The following CCDC134 variants were observed in gnomAD, a reference collection of about 807,000 sequenced individuals.
The protein encoded by CCDC134 is coiled-coil domain containing 134, also known as coiled-coil domain-containing protein 134.
A neutral mutation model predicts 25.6 loss-of-function variants in CCDC134; 27 were observed. That is an observed-to-expected ratio of 1.05 (90% CI 0.78 to 1.45). CCDC134 has a LOEUF of 1.45. CCDC134 is among the 40% of genes most tolerant of loss of function. The pLI, the probability that CCDC134 is intolerant of heterozygous loss-of-function variation, is 0.00. For missense variants in CCDC134, 261 were observed against 286.7 expected (o/e 0.91, Z 0.65); for synonymous variants, 110 against 115.0 (o/e 0.96, Z 0.28).
In CCDC134 at chr22:41,825,884, G is replaced by A; in HGVS notation, c.*61G>A. On this transcript the variant is annotated 3_prime_UTR_variant, in exon 7 of 7. Coordinates refer to ENST00000255784, the MANE Select transcript of CCDC134 (RefSeq NM_024821.5). This position sits in a 1 kb window ranked among gnomAD's most constrained non-coding sequence, Gnocchi z 4.4. ...AGGCAGGTCGGGAGGAAGAAGAGGT[G>A]GAGGTGTGGTTGTGGTGGAGAGCAC... is the stretch of plus-strand genomic sequence containing the variant. The A allele has an allele frequency of 1.2e-6, 2 of 1,600,258 alleles. No homozygotes were observed. The highest frequency in any genetic ancestry group is 1.7e-5 in the Admixed American group (1 of 59,034).
rs1046722354 is a variant in CCDC134, at chr22:41,831,607, C to T, written c.*5784C>T. ...GCCTCGAGGCCTTTGTCCATGTCATCATTTCCCCTTTGGCTGTAACAGCTG... is the reference window on the plus strand; with the variant it reads ...GCCTCGAGGCCTTTGTCCATGTCATTATTTCCCCTTTGGCTGTAACAGCTG... On this transcript the variant is annotated 3_prime_UTR_variant, in exon 7 of 7. Transcript: ENST00000255784. 1 of 152,268 alleles carries T rather than the reference C, an allele frequency of 6.6e-6. No homozygotes were observed. Among genetic ancestry groups the T allele is most frequent in the East Asian group, 1.9e-4 (1 of 5,202 alleles). 9.4% of individuals were successfully genotyped at this position (152,268 alleles called of 1,614,324 possible).
Position 41,830,854 on chromosome 22 carries a change from C to T in CCDC134, c.*5031C>T, listed in dbSNP as rs1263604407. Among the ~76,000 whole-genome samples the T allele has an allele frequency of 1.3e-5, 2 of 151,550 alleles. No individual in the cohort carries two copies. The highest frequency in any genetic ancestry group is 4.9e-5 in the African/African-American group (2 of 41,184). On this transcript the variant is annotated 3_prime_UTR_variant, in exon 7 of 7. Coordinates refer to ENST00000255784, the MANE Select transcript of CCDC134 (RefSeq NM_024821.5). The stretch of plus-strand genomic sequence containing the variant: ...CCATCGTTTTTAACCTTCAGGTGAG[C>T]ACACAGATCCTTATTTTTTCTTTTC...
At chr22:41,818,081 G>A (rs991841866) in intron 6 of CCDC134, among the ~76,000 whole-genome samples, 9 of 152,272 alleles carry the variant, frequency 5.9e-5, no homozygotes, top group African/African-American at 2.2e-4. Flanking sequence ...TCATGGCCAC[G>A]ATTTACTACA....
At chr22:41,814,000 T>G (rs1215501297) in intron 6 of CCDC134, among the ~76,000 whole-genome samples, 178 bp downstream of exon 6, 1 of 152,204 alleles carries the variant, frequency 6.6e-6, no homozygotes, top group Non-Finnish European at 1.5e-5. Flanking sequence ...TGCTCCCCTC[T>G]TAGCCTCAGG....
At position 41,825,936 on chromosome 22, in the gene CCDC134, C is replaced by G. The variant is rs983631995; in HGVS notation, c.*113C>G. 8.4e-6 allele frequency: 12 copies of G among 1,434,696 alleles called. No homozygotes were observed. The highest frequency in any genetic ancestry group is 1.4e-5 in the African/African-American group (1 of 70,170). 88.9% of individuals were successfully genotyped at this position (1,434,696 alleles called of 1,614,324 possible). A position where few individuals can be genotyped will look rare whatever the true frequency, so the allele number is the denominator to read the frequency against. On this transcript the variant is annotated 3_prime_UTR_variant, in exon 7 of 7. Transcript: ENST00000255784. The surrounding 1 kb of genome is among the most constrained non-coding windows in gnomAD (Gnocchi z 4.4). ...AGCTAGCCCCTTCCAGAAGGGGAGG[C>G]CACATTTGCCCGGCCCCCTGGAGCT... is the stretch of plus-strand genomic sequence containing the variant.
At chr22:41,801,668 C>A (rs2076544208) in intron 1 of CCDC134, among the ~76,000 whole-genome samples, 1 of 152,074 alleles carries the variant, frequency 6.6e-6, no homozygotes, top group African/African-American at 2.4e-5. Flanking sequence ...GTTTATTGAT[C>A]AACTCTTATC....
rs1004730864 is a variant in CCDC134 at position 41,828,337 on chromosome 22, T to C, written c.*2514T>C. 6.6e-6 allele frequency among the ~76,000 whole-genome samples: 1 copy of C among 152,228 alleles called. No individual in the cohort carries two copies. The highest frequency in any genetic ancestry group is 2.4e-5 in the African/African-American group (1 of 41,452). Reference sequence around the variant, plus strand: ...GAATTTAAGTGACTTCTCAGTGATGTGTGCCCTTCTCTGACGGTTCCTTGT... The same window carrying C: ...GAATTTAAGTGACTTCTCAGTGATGCGTGCCCTTCTCTGACGGTTCCTTGT... On this transcript the variant is annotated 3_prime_UTR_variant, in exon 7 of 7. Coordinates refer to ENST00000255784, the MANE Select transcript of CCDC134 (RefSeq NM_024821.5).
chr22:41,831,053 T>A lies in CCDC134; in HGVS notation c.*5230T>A, dbSNP rs2076705471. Among the ~76,000 whole-genome samples, 1 of 151,928 alleles carries A rather than the reference T, an allele frequency of 6.6e-6. No homozygotes were observed. Among genetic ancestry groups the A allele is most frequent in the African/African-American group, 2.4e-5 (1 of 41,346 alleles). On this transcript the variant is annotated 3_prime_UTR_variant, in exon 7 of 7. Transcript: ENST00000255784. ...GGCATGCACCATCACGCCTGGCTAA[T>A]TTTTGTATTTTTAGTAGAGACGGGG...
intron 6 of CCDC134, among the ~76,000 whole-genome samples, chr22:41,823,961 G>A (rs2076664160): frequency 6.6e-6 from 1 of 152,190 alleles, no homozygotes; most frequent in South Asian, 2.1e-4. Flanking sequence ...TTTATTCGAG[G>A]ACCTGCTGTG....
chr22:41,814,225 A>G (rs924802197), intron 6 of CCDC134, among the ~76,000 whole-genome samples: 1 of 152,134 alleles, frequency 6.6e-6, no homozygotes, highest in Non-Finnish European at 1.5e-5. Context: ...CAGGGGTTCC[A>G]GGGGGCTGAG....
intron 4 of CCDC134, among the ~76,000 whole-genome samples, chr22:41,810,842 A>G (rs1231424666): frequency 6.6e-6 from 1 of 152,188 alleles, no homozygotes; most frequent in Non-Finnish European, 1.5e-5. Flanking sequence ...CAGCTCTTAT[A>G]TATTAAATAG....
At chr22:41,801,838 G>A (rs2076545175) in intron 1 of CCDC134, among the ~76,000 whole-genome samples, 1 of 152,180 alleles carries the variant, frequency 6.6e-6, no homozygotes, top group Non-Finnish European at 1.5e-5. Flanking sequence ...AGACATTGTA[G>A]TGACAATATG....
chr22:41,813,785 C>G lies in CCDC134; in HGVS notation c.527C>G (p.Ser176Cys), dbSNP rs2076609586. ...AQELGISEKD[S>C]NFQNPFKIDR... is the part of the protein sequence containing the mutation. ...GAGCTGGGGATCAGTGAGAAAGACT[C>G]CAACTTCCAGAACCCATTTAAAATC... is the stretch of plus-strand genomic sequence containing the variant. The change falls in exon 6 of 7, where the codon TCC (serine) becomes TGC (cysteine). Residue 176 changes from serine (S) to cysteine (C), a missense_variant. Coordinates refer to ENST00000255784, the MANE Select transcript of CCDC134 (RefSeq NM_024821.5). 1 of 1,614,222 alleles carries G rather than the reference C, an allele frequency of 6.2e-7. No individual in the cohort carries two copies. The highest frequency in any genetic ancestry group is 8.5e-7 in the Non-Finnish European group (1 of 1,180,020).
rs2076695573 is a variant in CCDC134 at position 41,829,630 on chromosome 22, G to GA, written c.*3807_*3808insA. Among the ~76,000 whole-genome samples the GA allele has an allele frequency of 6.6e-6, 1 of 152,014 alleles. No individual in the cohort carries two copies. Among genetic ancestry groups the GA allele is most frequent in the Non-Finnish European group, 1.5e-5 (1 of 67,972 alleles). ...GAGGAAGAAAAGGACAGGTGCTGTG[G>GA]GAAAAAGGGGAAAGTGTCAGAGGAA... On this transcript the variant is annotated 3_prime_UTR_variant, in exon 7 of 7. Coordinates refer to ENST00000255784, the MANE Select transcript of CCDC134 (RefSeq NM_024821.5).
intron 6 of CCDC134, among the ~76,000 whole-genome samples, chr22:41,815,523 G>A (rs989148673): frequency 6.6e-6 from 1 of 152,050 alleles, no homozygotes; most frequent in African/African-American, 2.4e-5. Context: ...ATTTTCACAC[G>A]AATGTGCTAT....
chr22:41,810,288 G>A lies in CCDC134; in HGVS notation c.307G>A (p.Asp103Asn). The change falls in exon 4 of 7, where the codon GAT (aspartate) becomes AAT (asparagine). Residue 103 changes from aspartate to asparagine, a missense_variant. Coordinates refer to ENST00000255784, the MANE Select transcript of CCDC134 (RefSeq NM_024821.5). ...GPFPQDEKLK[D>N]AFSHVVENTA... ...CTTCCCCCAGGACGAGAAGCTGAAGGATGGTATGGTCTGCCCTGCCCCGCC... is the reference window on the plus strand; with the variant it reads ...CTTCCCCCAGGACGAGAAGCTGAAGAATGGTATGGTCTGCCCTGCCCCGCC... 5 of 1,613,710 alleles carry A rather than the reference G, an allele frequency of 3.1e-6. No homozygotes were observed. Among genetic ancestry groups the A allele is most frequent in the Non-Finnish European group, 4.2e-6 (5 of 1,179,826 alleles).
rs67246997 is a variant in CCDC134 at position 41,830,884 on chromosome 22, CTTTTTT to C, written c.*5078_*5083del. Among the ~76,000 whole-genome samples the C allele has an allele frequency of 1.4e-4, 16 of 117,288 alleles. No individual in the cohort carries two copies. The highest frequency in any genetic ancestry group is 5.0e-4 in the South Asian group (2 of 3,978). The allele number at this position is 117,288 out of a possible 152,430, so 76.9% of individuals were successfully genotyped here. A position where few individuals can be genotyped will look rare whatever the true frequency, so the allele number is the denominator to read the frequency against. Reference sequence around the variant, plus strand: ...AGATCCTTATTTTTTCTTTTCTTTTCTTTTTTTTTTTTTTTTTTTTTTGAGACGCAG... The same window carrying C: ...AGATCCTTATTTTTTCTTTTCTTTTCTTTTTTTTTTTTTTTTGAGACGCAG... On this transcript the variant is annotated 3_prime_UTR_variant, in exon 7 of 7. Transcript: ENST00000255784.
Position 41,825,763 on chromosome 22 carries a change from G to A in CCDC134, c.630G>A (p.Glu210=). The stretch of plus-strand genomic sequence containing the variant: ...AAGAAGAGAAACGCCGAAAGAAAGA[G>A]GAGAAGCGGAAGGAGATCCGAAAAG... ...LREEEKRRKK[E]EKRKEIRKGP... is the part of the protein sequence containing the mutation. The change falls in exon 7 of 7, where the codon GAG becomes GAA. Residue 210 remains glutamate (E), a synonymous_variant. Coordinates refer to ENST00000255784, the MANE Select transcript of CCDC134 (RefSeq NM_024821.5). This position sits in a 1 kb window ranked among gnomAD's most constrained non-coding sequence, Gnocchi z 4.4. 6.2e-7 allele frequency: 1 copy of A among 1,614,190 alleles called. No individual in the cohort carries two copies. Among genetic ancestry groups the A allele is most frequent in the Non-Finnish European group, 8.5e-7 (1 of 1,179,988 alleles).
At chr22:41,817,559 C>T (rs1007552054) in intron 6 of CCDC134, among the ~76,000 whole-genome samples, 1 of 151,968 alleles carries the variant, frequency 6.6e-6, no homozygotes, top group African/African-American at 2.4e-5. Flanking sequence ...TGGTGAAACC[C>T]TGTCTCTACT....
Sources: gnomAD v4.1 joint callset for allele counts (sites outside exome capture counted in the v4.1 genomes callset) on GRCh38, gnomAD v4.1.1 for gene constraint, Gnocchi (gnomAD v3.1) non-coding constraint, MANE v1.5 for transcripts, NCBI Gene and HGNC (gene_info 2026-07-23, HGNC 2026-07-21) for gene names.